The following CNBD1 variants were observed in gnomAD, a reference collection of about 807,000 sequenced individuals.
CNBD1 encodes cyclic nucleotide binding domain containing 1, also known as cyclic nucleotide-binding domain-containing protein 1.
A neutral mutation model predicts 54.4 loss-of-function variants in CNBD1; 71 were observed. The ratio of observed to expected loss-of-function variants is 1.30; its 90% CI spans 1.08 to 1.59. CNBD1 has a LOEUF of 1.59. CNBD1 is among the 40% of genes most tolerant of loss of function. The pLI, the probability that CNBD1 is intolerant of heterozygous loss-of-function variation, is 0.00. For synonymous variants in CNBD1, 182 were observed against 170.7 expected, an observed-to-expected ratio of 1.07 and a Z score of -0.51; for missense variants, 659 against 518.0, an observed-to-expected ratio of 1.27 and a Z score of -2.64.
chr8:86,987,006 G>A (rs1406739569), intron 4 of CNBD1, among the ~76,000 whole-genome samples: 1 of 151,988 alleles, frequency 6.6e-6, no homozygotes, highest in African/African-American at 2.4e-5. Flanking sequence ...ATTTTTGGTT[G>A]CATATAAATT....
intron 5 of CNBD1, among the ~76,000 whole-genome samples, chr8:87,216,682 C>T (rs760673635): frequency 2.6e-5 from 4 of 152,132 alleles, no homozygotes; most frequent in Non-Finnish European, 5.9e-5. Flanking sequence ...ACTAGTTCTA[C>T]ACCAGTGAAG....
At chr8:86,913,402 C>A (rs536904487) in intron 3 of CNBD1, among the ~76,000 whole-genome samples, 2 of 151,994 alleles carry the variant, frequency 1.3e-5, no homozygotes. Flanking sequence ...ATCGGGGGAA[C>A]CTGCCCCCGA....
rs186154135 is a variant in CNBD1 at position 87,363,601 on chromosome 8, A to T, written c.1303+9815A>T. Among the ~76,000 whole-genome samples, 401 of 152,166 alleles carry T rather than the reference A, an allele frequency of 2.6e-3. 2 individuals are homozygous for T. Among genetic ancestry groups the T allele is most frequent in the Non-Finnish European group, 4.2e-3 (287 of 67,984 alleles). ...GGTTTTGATTTGCATTTCTCTAATG[A>T]CCAGTGATGATGAGCTTTTTTTCAT... On this transcript the variant is annotated intron_variant, in intron 10 of 10. Transcript: ENST00000518476.
At chr8:87,240,179 C>A (rs1807666721) in intron 6 of CNBD1, among the ~76,000 whole-genome samples, 1 of 151,528 alleles carries the variant, frequency 6.6e-6, no homozygotes, top group African/African-American at 2.4e-5. Flanking sequence ...TGCAGTTAAA[C>A]ATATTTTACT....
intron 4 of CNBD1, among the ~76,000 whole-genome samples, chr8:87,058,136 G>T (rs914653810): frequency 2.6e-5 from 4 of 152,114 alleles, no homozygotes; most frequent in Non-Finnish European, 4.4e-5. Context: ...CCAAATAGCA[G>T]AGTCATTAAA....
At chr8:86,940,231 A>G (rs955402770) in intron 4 of CNBD1, among the ~76,000 whole-genome samples, 2 of 147,108 alleles carry the variant, frequency 1.4e-5, no homozygotes. Flanking sequence ...CAATGGCGCA[A>G]TCTCAACTCA....
intron 2 of CNBD1, among the ~76,000 whole-genome samples, chr8:86,895,237 CTGTGTGTGTGTGCATGGTGTGTG>C (rs1304034291): frequency 4.1e-5 from 6 of 145,648 alleles, no homozygotes; most frequent in African/African-American, 1.3e-4. Context: ...ATTTTTTTCT[CTGTGTGTGTGTGCATGGTGTGTG>C]TGTGTGTGTG....
At chr8:87,413,816 A>T (rs1358135449) in intron 2 of CNBD1, among the ~76,000 whole-genome samples, 1 of 151,116 alleles carries the variant, frequency 6.6e-6, no homozygotes, top group Non-Finnish European at 1.5e-5. Flanking sequence ...TCAAAACCAC[A>T]ATGAGATACC....
At chr8:87,401,833 T>C (rs1807570541) in intron 2 of CNBD1, among the ~76,000 whole-genome samples, 1 of 152,050 alleles carries the variant, frequency 6.6e-6, no homozygotes, top group Non-Finnish European at 1.5e-5. Context: ...GGAACACCAA[T>C]ATCATTTGAT....
chr8:87,124,255 A>C (rs1352436818), intron 4 of CNBD1, among the ~76,000 whole-genome samples: 1 of 151,698 alleles, frequency 6.6e-6, no homozygotes, highest in Non-Finnish European at 1.5e-5. Context: ...GAACTCAAAC[A>C]CATTACTTCA....
At chr8:87,010,757 C>CA (rs1586196500) in intron 4 of CNBD1, among the ~76,000 whole-genome samples, 1 of 152,026 alleles carries the variant, frequency 6.6e-6, no homozygotes. Flanking sequence ...AAATGGAAAA[C>CA]AAAAAACTCC....
intron 1 of CNBD1, among the ~76,000 whole-genome samples, chr8:86,879,198 CATTAT>C: frequency 6.6e-6 from 1 of 152,044 alleles, no homozygotes; most frequent in African/African-American, 2.4e-5. Context: ...ATTATTTATT[CATTAT>C]AATTTACTAA....
At chr8:87,012,423 ATAT>A (rs1355398373) in intron 4 of CNBD1, among the ~76,000 whole-genome samples, 3 of 152,178 alleles carry the variant, frequency 2.0e-5, no homozygotes, top group Non-Finnish European at 4.4e-5. Flanking sequence ...CTCTAGCATA[ATAT>A]TATGAGACAA....
At chr8:86,934,984 T>C (rs2130413702) in intron 3 of CNBD1, among the ~76,000 whole-genome samples, 1 of 152,226 alleles carries the variant, frequency 6.6e-6, no homozygotes, top group Middle Eastern at 3.4e-3. Context: ...ATGACTTTTG[T>C]ATTTTTCTGG....
At chr8:87,365,945 A>C (rs1040580556) in intron 10 of CNBD1, among the ~76,000 whole-genome samples, 2 of 151,996 alleles carry the variant, frequency 1.3e-5, no homozygotes, top group Non-Finnish European at 2.9e-5. Flanking sequence ...CAATGTAATG[A>C]TTTTACGATC....
At chr8:87,030,140 C>T (rs1809749088) in intron 4 of CNBD1, among the ~76,000 whole-genome samples, 1 of 152,070 alleles carries the variant, frequency 6.6e-6, no homozygotes, top group Non-Finnish European at 1.5e-5. Flanking sequence ...TGCTTGATGG[C>T]ACTAACTTTT....
chr8:87,381,955 T>A (rs1002974538), intron 10 of CNBD1, among the ~76,000 whole-genome samples: 6 of 151,944 alleles, frequency 3.9e-5, no homozygotes, highest in Non-Finnish European at 5.9e-5. Flanking sequence ...AACAATATTG[T>A]ATTGTACACT....
chr8:87,309,463 A>G (rs1327623329), intron 8 of CNBD1, among the ~76,000 whole-genome samples: 2 of 152,132 alleles, frequency 1.3e-5, no homozygotes, highest in African/African-American at 4.8e-5. Context: ...TAATGTTTCT[A>G]GTGCTATTGC....
At chr8:87,311,762 G>C (rs1208962632) in intron 8 of CNBD1, among the ~76,000 whole-genome samples, 1 of 152,056 alleles carries the variant, frequency 6.6e-6, no homozygotes, top group African/African-American at 2.4e-5. Context: ...ATAGTATGCA[G>C]CTATAAAAAA....
Sources: gnomAD v4.1 joint callset for allele counts (sites outside exome capture counted in the v4.1 genomes callset) on GRCh38, gnomAD v4.1.1 for gene constraint, MANE v1.5 for transcripts, NCBI Gene and HGNC (gene_info 2026-07-23, HGNC 2026-07-21) for gene names.